The following SEMA3E variants were observed in gnomAD, a reference collection of about 807,000 sequenced individuals.
SEMA3E encodes semaphorin-3E.
A neutral mutation model predicts 93.6 loss-of-function variants in SEMA3E; 49 were observed. The observed-to-expected ratio is 0.52, with a 90% CI of 0.42 to 0.66. SEMA3E has a LOEUF of 0.66. Among genes scored for constraint, SEMA3E ranks in the 30% least tolerant of loss-of-function variants. The probability of loss-of-function intolerance (pLI) is 0.00; values close to 1 mark genes in which losing one functional copy is unlikely to be tolerated. For missense variants in SEMA3E, 906 were observed against 964.8 expected (o/e 0.94, Z 0.81); for synonymous variants, 363 against 330.7 (o/e 1.10, Z -1.06).
At chr7:83,424,962 A>G (rs1788740460) in intron 4 of SEMA3E, 1 of 261,696 alleles carries the variant, frequency 3.8e-6, no homozygotes, top group Admixed American at 4.0e-5. Context: ...TCCAGTGACA[A>G]TGTAGCTGAT....
intron 4 of SEMA3E, among the ~76,000 whole-genome samples, chr7:83,465,810 C>T (rs964542930): frequency 5.3e-5 from 8 of 152,170 alleles, no homozygotes; most frequent in Non-Finnish European, 1.2e-4. Context: ...TTAAAAGTAA[C>T]GAGAGTTGCG....
intron 1 of SEMA3E, among the ~76,000 whole-genome samples, chr7:83,498,851 C>T (rs1042847424): frequency 2.0e-5 from 3 of 152,130 alleles, no homozygotes; most frequent in Non-Finnish European, 4.4e-5. Context: ...AGATAAACTT[C>T]CTTCCATCTG....
chr7:83,508,980 G>GTTTTCAGTA (rs1391654805), intron 1 of SEMA3E, among the ~76,000 whole-genome samples: 18 of 152,112 alleles, frequency 1.2e-4, no homozygotes, highest in Non-Finnish European at 2.2e-4. Flanking sequence ...TTAATCTAAT[G>GTTTTCAGTA]GGCAAGTTTG....
At chr7:83,501,843 G>A (rs984547952) in intron 1 of SEMA3E, among the ~76,000 whole-genome samples, 2 of 152,070 alleles carry the variant, frequency 1.3e-5, no homozygotes, top group African/African-American at 4.8e-5. Context: ...CAACAAAGAA[G>A]CAAATTAACT....
intron 4 of SEMA3E, among the ~76,000 whole-genome samples, chr7:83,461,808 AAG>A (rs2115860937): frequency 6.6e-6 from 1 of 152,158 alleles, no homozygotes; most frequent in African/African-American, 2.4e-5. Context: ...CAATAGAAAA[AAG>A]TTACAATTCC....
intron 1 of SEMA3E, among the ~76,000 whole-genome samples, chr7:83,632,026 G>A (rs575121460): frequency 6.6e-5 from 10 of 151,970 alleles, no homozygotes; most frequent in South Asian, 2.1e-4. Flanking sequence ...ATGGTGGTAC[G>A]TGCCTGTAAT....
intron 1 of SEMA3E, among the ~76,000 whole-genome samples, chr7:83,570,552 C>CAGAAAAA (rs1792261651): frequency 3.0e-5 from 1 of 33,082 alleles, no homozygotes; most frequent in Non-Finnish European, 4.6e-5. Flanking sequence ...GACTCCGTCT[C>CAGAAAAA]AAAAAAAAAA....
intron 4 of SEMA3E, among the ~76,000 whole-genome samples, chr7:83,457,278 G>A (rs996363055): frequency 2.0e-5 from 3 of 152,038 alleles, no homozygotes; most frequent in Non-Finnish European, 4.4e-5. Flanking sequence ...TACTCCCCCA[G>A]GGTTTAATAA....
intron 1 of SEMA3E, among the ~76,000 whole-genome samples, chr7:83,644,602 A>G (rs935639389): frequency 5.3e-5 from 8 of 151,900 alleles, no homozygotes; most frequent in Non-Finnish European, 1.0e-4. Flanking sequence ...TACTACCCCT[A>G]TTTTCAAATA....
chr7:83,400,018 G>T lies in SEMA3E; in HGVS notation c.1366+10C>A. 4 of 1,585,840 alleles carry T rather than the reference G, an allele frequency of 2.5e-6. No individual in the cohort carries two copies. The highest frequency in any genetic ancestry group is 1.7e-6 in the Non-Finnish European group (2 of 1,154,534). ...TTTAAATATCTCTGAGTACTTTCTC[G>T]TCTCTTTACCTGTCCCAATAAACAA... On this transcript the variant is annotated intron_variant, in intron 11 of 16. Transcript: ENST00000643230.
chr7:83,392,468 TG>T, intron 14 of SEMA3E, 86 bp downstream of exon 14: 1 of 1,431,564 alleles, frequency 7.0e-7, no homozygotes, highest in Non-Finnish European at 9.6e-7. Context: ...AGGTATTTTC[TG>T]GAAAACTTCA....
intron 15 of SEMA3E, among the ~76,000 whole-genome samples, chr7:83,385,785 C>T (rs1051710028): frequency 2.0e-5 from 3 of 152,076 alleles, no homozygotes; most frequent in Non-Finnish European, 4.4e-5. Context: ...GGACAAAATT[C>T]GTGGATACAA....
rs773688938 is a variant in SEMA3E at position 83,490,124 on chromosome 7, C to A, written c.266G>T (p.Gly89Val). Residue 89 changes from glycine to valine, a missense_variant, in exon 2 of 17, where the codon GGC (glycine) becomes GTC (valine). Transcript: ENST00000643230. ...TTGATATTTCTATACCTCTTTATAG[C>A]CGTCACTGATTCTCTCCAAGCTGAG... ...YSLSLERISD[G>V]YKEIHWPSTA... 2 of 1,612,686 alleles carry A rather than the reference C, an allele frequency of 1.2e-6. No individual in the cohort carries two copies. The highest frequency in any genetic ancestry group is 1.1e-5 in the South Asian group (1 of 91,056).
At chr7:83,389,682 T>G (rs1787954897) in intron 14 of SEMA3E, among the ~76,000 whole-genome samples, 2 of 150,824 alleles carry the variant, frequency 1.3e-5, no homozygotes, top group Non-Finnish European at 3.0e-5. Flanking sequence ...TACACGTATA[T>G]ATTACATGTA....
rs1395751705 is a variant in SEMA3E, at chr7:83,365,580, T to C, written c.*2006A>G. The C allele has an allele frequency of 6.6e-6, 1 of 152,206 alleles. No individual in the cohort carries two copies. Among genetic ancestry groups the C allele is most frequent in the Non-Finnish European group, 1.5e-5 (1 of 68,020 alleles). The allele number at this position is 152,206 out of a possible 1,614,324, so 9.4% of individuals were successfully genotyped here. ...GACTTGTGTCATAGAAAAGCTATTTTCCTCTGCCTATTGCTTCAGTTACCA... is the reference window on the plus strand; with the variant it reads ...GACTTGTGTCATAGAAAAGCTATTTCCCTCTGCCTATTGCTTCAGTTACCA... On this transcript the variant is annotated 3_prime_UTR_variant, in exon 17 of 17. Transcript: ENST00000643230.
chr7:83,416,689 A>G (rs533428353), intron 5 of SEMA3E, among the ~76,000 whole-genome samples: 1 of 152,186 alleles, frequency 6.6e-6, no homozygotes, highest in South Asian at 2.1e-4. Flanking sequence ...TAGGAGACTT[A>G]GTCTTTGCAA....
chr7:83,367,155 G>A lies in SEMA3E; in HGVS notation c.*431C>T, dbSNP rs1794681197. ...TCACATGAGAATGCCAAAGTATCTT[G>A]TATTCTGCATATCTTACATTGTGAT... On this transcript the variant is annotated 3_prime_UTR_variant, in exon 17 of 17. Coordinates refer to ENST00000643230, the MANE Select transcript of SEMA3E (RefSeq NM_012431.3). 1 of 206,004 alleles carries A rather than the reference G, an allele frequency of 4.9e-6. No homozygotes were observed. Among genetic ancestry groups the A allele is most frequent in the African/African-American group, 2.4e-5 (1 of 42,066 alleles). 12.8% of individuals were successfully genotyped at this position (206,004 alleles called of 1,614,324 possible).
chr7:83,375,478 A>G (rs1467968012), intron 16 of SEMA3E, among the ~76,000 whole-genome samples: 1 of 152,114 alleles, frequency 6.6e-6, no homozygotes, highest in Non-Finnish European at 1.5e-5. Context: ...TATTCTGTAG[A>G]GTTAAAACAA....
At chr7:83,541,717 TGATGCTACCTTTCAGA>T (rs1327404213) in intron 1 of SEMA3E, among the ~76,000 whole-genome samples, 5 of 152,104 alleles carry the variant, frequency 3.3e-5, no homozygotes, top group African/African-American at 4.8e-5. Context: ...ACAGCAGTCA[TGATGCTACCTTTCAGA>T]GAAAGTGAAA....
Sources: allele counts gnomAD v4.1 joint callset (sites outside exome capture counted in the v4.1 genomes callset), GRCh38; gene constraint gnomAD v4.1.1; transcripts MANE v1.5; gene names NCBI Gene and HGNC (gene_info 2026-07-23, HGNC 2026-07-21).